The following EFCAB10 variants were observed in gnomAD, a reference collection of about 807,000 sequenced individuals.
EFCAB10 encodes EF-hand calcium binding domain 10.
EFCAB10 carries 7 observed loss-of-function variants against 7.7 expected under a neutral mutation model. The observed-to-expected ratio is 0.91, with a 90% CI of 0.52 to 1.72. The LOEUF (loss-of-function observed/expected upper bound fraction) is 1.72, where lower values mean the gene tolerates loss of function less well. Ranked by LOEUF, EFCAB10 falls within the 40% of genes most tolerant of loss-of-function variation. The probability of loss-of-function intolerance (pLI) is 0.00; values close to 1 mark genes in which losing one functional copy is unlikely to be tolerated. For synonymous variants in EFCAB10, 52 were observed against 21.0 expected, an observed-to-expected ratio of 2.47 and a Z score of -4.03; for missense variants, 112 against 61.5, an observed-to-expected ratio of 1.82 and a Z score of -2.74.
chr7:105,570,268 T>TATATATATATATATATATATATACAC (rs1188257284), intron 1 of EFCAB10, among the ~76,000 whole-genome samples: 2 of 66,460 alleles, frequency 3.0e-5, no homozygotes, highest in Non-Finnish European at 5.4e-5. Flanking sequence ...TATATATATA[T>TATATATATATATATATATATATACAC]ACACACACAC....
chr7:105,578,599 TAAA>T (rs145072987), intron 1 of EFCAB10, among the ~76,000 whole-genome samples: 6,827 of 152,090 alleles, frequency 0.045, 545 homozygotes, highest in African/African-American at 0.16. Context: ...AGGGATAAGA[TAAA>T]AAGACAATCC....
At chr7:105,573,178 T>C (rs572928038) in intron 1 of EFCAB10, 42 of 152,262 alleles carry the variant, frequency 2.8e-4, no homozygotes, top group African/African-American at 9.1e-4. Context: ...CCCTGGGAAT[T>C]TATGTGTTGA....
chr7:105,570,229 AAAAAAAAAAAAATATATAT>A (rs1267223917), intron 1 of EFCAB10, among the ~76,000 whole-genome samples: 96 of 72,842 alleles, frequency 1.3e-3, no homozygotes, highest in African/African-American at 5.9e-3. Flanking sequence ...AAAAAAAAAA[AAAAAAAAAAAAATATATAT>A]ATATATATAT....
At chr7:105,572,986 T>C (rs753062263) in intron 1 of EFCAB10, 10 of 151,676 alleles carry the variant, frequency 6.6e-5, no homozygotes, top group Non-Finnish European at 1.3e-4. Context: ...TCTATGTCCT[T>C]TGCCCATTAA....
intron 3 of EFCAB10, chr7:105,567,700 G>A: frequency 2.0e-6 from 1 of 500,644 alleles, no homozygotes; most frequent in South Asian, 3.2e-5. Context: ...ATTTGTAATT[G>A]AGGCACCTGT....
At chr7:105,581,050 T>G (rs1352119651) in intron 1 of EFCAB10, among the ~76,000 whole-genome samples, 1 of 152,162 alleles carries the variant, frequency 6.6e-6, no homozygotes, top group African/African-American at 2.4e-5. Flanking sequence ...CGAAACCCTG[T>G]CGCTACTAAA....
chr7:105,567,861 A>G (rs1395384339), intron 3 of EFCAB10, among the ~76,000 whole-genome samples: 1 of 152,016 alleles, frequency 6.6e-6, no homozygotes, highest in African/African-American at 2.4e-5. Flanking sequence ...CAAGACCCTG[A>G]TGCATGCCTG....
chr7:105,566,843 T>C (rs1057106949), intron 4 of EFCAB10: 3 of 207,430 alleles, frequency 1.4e-5, no homozygotes, highest in African/African-American at 6.9e-5. Context: ...TATAGCTATA[T>C]TTAATATAGT....
chr7:105,568,417 A>T (rs1314810510), intron 3 of EFCAB10, among the ~76,000 whole-genome samples: 5 of 152,150 alleles, frequency 3.3e-5, no homozygotes, highest in African/African-American at 1.2e-4. Context: ...AGTACTTTTA[A>T]TCCTGTAATA....
At chr7:105,566,239 A>G (rs1791734831) in intron 4 of EFCAB10, 1 of 148,202 alleles carries the variant, frequency 6.7e-6, no homozygotes, top group Non-Finnish European at 1.5e-5. Flanking sequence ...GACTGTCTCA[A>G]AAAAAAAAAA....
At chr7:105,579,990 C>G (rs916161824) in intron 1 of EFCAB10, among the ~76,000 whole-genome samples, 2 of 151,618 alleles carry the variant, frequency 1.3e-5, no homozygotes, top group African/African-American at 4.9e-5. Flanking sequence ...TAACATTTGT[C>G]TTTATTTTTA....
intron 1 of EFCAB10, among the ~76,000 whole-genome samples, chr7:105,579,364 GGGTGGT>G (rs1792166493): frequency 1.3e-5 from 2 of 152,142 alleles, no homozygotes; most frequent in Non-Finnish European, 2.9e-5. Flanking sequence ...TACGGGGTTT[GGGTGGT>G]GGTGGTGGGG....
rs1015864201 is a variant in EFCAB10, at chr7:105,569,592, C to G, written c.107-21G>C. 5.9e-6 allele frequency: 4 copies of G among 681,072 alleles called. No individual in the cohort carries two copies. In the African/African-American group the frequency reaches 7.2e-5, roughly 12 times the overall value. The allele number at this position is 681,072 out of a possible 1,614,324, so 42.2% of individuals were successfully genotyped here. ...TTTTTCTGCAAAAGAATAGTTCCAG[C>G]TCTTTCTGATACGAAATTAAAATAT... On this transcript the variant is annotated intron_variant, in intron 1 of 4. Coordinates refer to ENST00000480514, the MANE Select transcript of EFCAB10 (RefSeq NM_001355526.2).
At chr7:105,577,267 GA>G (rs1171294302) in intron 1 of EFCAB10, among the ~76,000 whole-genome samples, 2 of 151,876 alleles carry the variant, frequency 1.3e-5, no homozygotes, top group Non-Finnish European at 2.9e-5. Flanking sequence ...TGTGCTGGAG[GA>G]AAAAAAGAAT....
intron 4 of EFCAB10, chr7:105,566,979 C>A (rs965509041): frequency 4.3e-6 from 2 of 468,742 alleles, no homozygotes; most frequent in Non-Finnish European, 7.2e-6. Context: ...TTAAAAGAAC[C>A]AAATAATAAA....
intron 4 of EFCAB10, among the ~76,000 whole-genome samples, chr7:105,566,093 C>T (rs1486683162): frequency 2.1e-5 from 3 of 143,566 alleles, no homozygotes; most frequent in African/African-American, 7.8e-5. Context: ...CATAGTGATA[C>T]CCCCATCTCT....
In EFCAB10 at chr7:105,567,250, C is replaced by T. The variant is rs754448407; in HGVS notation, c.383+217G>A. 1.2e-6 allele frequency: 2 copies of T among 1,613,276 alleles called. No individual in the cohort carries two copies. Among genetic ancestry groups the T allele is most frequent in the Admixed American group, 3.3e-5 (2 of 59,792 alleles). On this transcript the variant is annotated intron_variant, in intron 4 of 4. Coordinates refer to ENST00000480514, the MANE Select transcript of EFCAB10 (RefSeq NM_001355526.2). ...AATGAAGTTGGAATTTACAAACTGG[C>T]TCAACAAGATGTTGAGATTCTACTT... is the stretch of plus-strand genomic sequence containing the variant.
chr7:105,565,472 A>C (rs1342157626), intron 4 of EFCAB10, 25 bp from the exon 5 acceptor site: 2 of 1,612,190 alleles, frequency 1.2e-6, no homozygotes, highest in Non-Finnish European at 1.7e-6. Flanking sequence ...GTAAGAATAG[A>C]CTGTTTTTGG....
At chr7:105,579,515 G>A (rs1792170898) in intron 1 of EFCAB10, among the ~76,000 whole-genome samples, 1 of 152,098 alleles carries the variant, frequency 6.6e-6, no homozygotes, top group Admixed American at 6.6e-5. Context: ...AAAACAACAA[G>A]GGAAATATAA....
Sources: gnomAD v4.1 joint callset for allele counts (sites outside exome capture counted in the v4.1 genomes callset) on GRCh38, gnomAD v4.1.1 for gene constraint, MANE v1.5 for transcripts, NCBI Gene and HGNC (gene_info 2026-07-23, HGNC 2026-07-21) for gene names.